The following FCHO2 variants were observed in gnomAD, a reference collection of about 807,000 sequenced individuals.
FCHO2 encodes the protein F-BAR domain only protein 2.
FCHO2 carries 43 observed loss-of-function variants against 114.1 expected under a neutral mutation model. The ratio of observed to expected loss-of-function variants is 0.38; its 90% CI spans 0.30 to 0.49. The LOEUF (loss-of-function observed/expected upper bound fraction) is 0.49, where lower values mean the gene tolerates loss of function less well. Ranked by LOEUF, FCHO2 falls within the 20% of genes least tolerant of loss-of-function variation. FCHO2 has a pLI of 0.97. For synonymous variants in FCHO2, 293 were observed against 315.2 expected (o/e 0.93, Z 0.75); for missense variants, 807 against 950.4 (o/e 0.85, Z 1.98).
chr5:72,992,491 G>A (rs551248793), intron 5 of FCHO2, among the ~76,000 whole-genome samples: 26 of 152,260 alleles, frequency 1.7e-4, no homozygotes, highest in Non-Finnish European at 3.5e-4. Context: ...GAACTCAAAA[G>A]TCCTAAAGTA....
chr5:73,039,945 A>G (rs922593862), intron 10 of FCHO2, among the ~76,000 whole-genome samples: 1 of 138,132 alleles, frequency 7.2e-6, no homozygotes, highest in Non-Finnish European at 1.6e-5. Context: ...GAAAAAAAGA[A>G]AAAAAAAAAA....
At chr5:73,049,213 T>C (rs1485478842) in intron 11 of FCHO2, among the ~76,000 whole-genome samples, 3 of 152,158 alleles carry the variant, frequency 2.0e-5, no homozygotes, top group South Asian at 2.1e-4. Flanking sequence ...ATTTTCTTGG[T>C]AGTCTTTTAT....
intron 10 of FCHO2, 33 bp downstream of exon 10, chr5:73,037,248 T>G: frequency 6.7e-7 from 1 of 1,496,574 alleles, no homozygotes; most frequent in Non-Finnish European, 9.1e-7. Flanking sequence ...AAATCCTTTT[T>G]GTTTTTATAA....
At chr5:73,040,879 C>T (rs1434457311) in intron 10 of FCHO2, among the ~76,000 whole-genome samples, 2 of 151,962 alleles carry the variant, frequency 1.3e-5, no homozygotes, top group Non-Finnish European at 2.9e-5. Flanking sequence ...GTCAAGCTTT[C>T]TTCTTTAAGG....
At chr5:72,971,597 A>G (rs1301054600) in intron 2 of FCHO2, among the ~76,000 whole-genome samples, 1 of 152,086 alleles carries the variant, frequency 6.6e-6, no homozygotes, top group East Asian at 1.9e-4. Flanking sequence ...GATTCTGGAT[A>G]TTAGCCCTTT....
intron 5 of FCHO2, among the ~76,000 whole-genome samples, chr5:72,995,784 A>G (rs894102299): frequency 5.9e-5 from 9 of 152,044 alleles, no homozygotes; most frequent in Non-Finnish European, 1.3e-4. Context: ...TCATGAACCG[A>G]TTAATACATT....
chr5:73,073,796 A>G (rs558323135), intron 19 of FCHO2, among the ~76,000 whole-genome samples: 72 of 152,256 alleles, frequency 4.7e-4, no homozygotes, highest in African/African-American at 1.5e-3. Context: ...AATGTTGTGT[A>G]ACATATAAGG....
rs1248123024 is a variant in FCHO2, at chr5:73,047,573, T to A, written c.940-3776T>A. Among the ~76,000 whole-genome samples the A allele has an allele frequency of 2.0e-5, 3 of 151,888 alleles. No homozygotes were observed. In the East Asian group the frequency reaches 5.8e-4, roughly 29 times the overall value. ...TAGAAACTTTTTTCCTTTTTTTTTT[T>A]TTTAACAGCTACATAGTATAATCGT... is the stretch of plus-strand genomic sequence containing the variant. On this transcript the variant is annotated intron_variant, in intron 11 of 25. Transcript: ENST00000430046.
Position 72,968,296 on chromosome 5 carries a change from T to C in FCHO2, c.34-202T>C, listed in dbSNP as rs376279249. Among the ~76,000 whole-genome samples, 34 of 152,348 alleles carry C rather than the reference T, an allele frequency of 2.2e-4. 1 individual carries two copies. In the South Asian group the frequency reaches 6.8e-3, roughly 31 times the overall value. On this transcript the variant is annotated intron_variant, in intron 1 of 25. Transcript: ENST00000430046. Reference sequence around the variant, plus strand: ...ATGCATATATGTTTGTATGTAGGTATATGTATATATAGTTAATTGTAAACT... The same window carrying C: ...ATGCATATATGTTTGTATGTAGGTACATGTATATATAGTTAATTGTAAACT...
chr5:72,983,235 C>T (rs562361110), intron 2 of FCHO2, among the ~76,000 whole-genome samples: 2 of 152,020 alleles, frequency 1.3e-5, no homozygotes, highest in Admixed American at 1.3e-4. Flanking sequence ...CTTTTAAGTT[C>T]CGGGATACAT....
Position 73,078,103 on chromosome 5 carries a change from T to G in FCHO2, c.1848-77T>G, listed in dbSNP as rs1010723192. On this transcript the variant is annotated intron_variant, in intron 21 of 25. Coordinates refer to ENST00000430046, the MANE Select transcript of FCHO2 (RefSeq NM_138782.3). Reference sequence around the variant, plus strand: ...GGTTTATTTCTACTAGTTTTTCCTGTGTCACCAAATTACTACACAGAGGCA... The same window carrying G: ...GGTTTATTTCTACTAGTTTTTCCTGGGTCACCAAATTACTACACAGAGGCA... The G allele has an allele frequency of 4.8e-5, 56 of 1,157,288 alleles. 1 individual carries two copies. In the East Asian group the frequency reaches 1.6e-3, roughly 33 times the overall value. 71.7% of individuals were successfully genotyped at this position (1,157,288 alleles called of 1,614,324 possible). A position where few individuals can be genotyped will look rare whatever the true frequency, so the allele number is the denominator to read the frequency against.
intron 9 of FCHO2, among the ~76,000 whole-genome samples, chr5:73,035,623 C>G (rs1192217476): frequency 6.6e-6 from 1 of 151,934 alleles, no homozygotes; most frequent in African/African-American, 2.4e-5. Context: ...GCACCTCAGC[C>G]CCAAAATTAG....
At chr5:73,035,625 C>G (rs1176363762) in intron 9 of FCHO2, among the ~76,000 whole-genome samples, 1 of 152,028 alleles carries the variant, frequency 6.6e-6, no homozygotes, top group East Asian at 1.9e-4. Context: ...ACCTCAGCCC[C>G]AAAATTAGCT....
intron 2 of FCHO2, among the ~76,000 whole-genome samples, chr5:72,970,689 TTTTTTTA>T (rs965112261): frequency 1.1e-4 from 16 of 151,926 alleles, no homozygotes; most frequent in South Asian, 2.1e-4. Flanking sequence ...TCTTTTTCTT[TTTTTTTA>T]TTTTTTATTT....
At chr5:72,981,195 G>T (rs1416471939) in intron 2 of FCHO2, among the ~76,000 whole-genome samples, 1 of 152,044 alleles carries the variant, frequency 6.6e-6, no homozygotes, top group African/African-American at 2.4e-5. Flanking sequence ...TTTCTCCTTT[G>T]TTTATGAAGC....
rs1440754202 is a variant in FCHO2, at chr5:73,017,214, C to T, written c.702C>T (p.Val234=). ...IKEIHLQIGQ[V]HEEFINNMAN... is the part of the protein sequence containing the mutation. ...TTATCTTTATTTCATTTTAATAGGT[C>T]CATGAAGAATTTATAAATAACATGG... The change falls in exon 8 of 26, where the codon GTC becomes GTT. Residue 234 remains valine, a splice_region_variant and synonymous_variant. Coordinates refer to ENST00000430046, the MANE Select transcript of FCHO2 (RefSeq NM_138782.3). 9.3e-6 allele frequency: 14 copies of T among 1,502,748 alleles called. No homozygotes were observed. In the Admixed American group the frequency reaches 3.0e-4, roughly 32 times the overall value. The allele number at this position is 1,502,748 out of a possible 1,614,324, so 93.1% of individuals were successfully genotyped here.
Position 73,082,830 on chromosome 5 carries a change from G to A in FCHO2, c.2245+5G>A. 6.3e-7 allele frequency: 1 copy of A among 1,585,720 alleles called. No individual in the cohort carries two copies. Among genetic ancestry groups the A allele is most frequent in the East Asian group, 2.3e-5 (1 of 44,442 alleles). ...CAGAAAAATCAGAAAATGGAGGTAA[G>A]TGTGTGTGTCCTTTTTTATTTATAA... is the stretch of plus-strand genomic sequence containing the variant. On this transcript the variant is annotated splice_donor_5th_base_variant and intron_variant, in intron 24 of 25. Coordinates refer to ENST00000430046, the MANE Select transcript of FCHO2 (RefSeq NM_138782.3).
chr5:73,082,650 A>G, intron 23 of FCHO2, 111 bp from the exon 24 acceptor site: 1 of 828,758 alleles, frequency 1.2e-6, no homozygotes, highest in Non-Finnish European at 1.9e-6. Context: ...AAACTTAGCA[A>G]TATATTTGTT....
chr5:73,077,637 C>G (rs1473296969), intron 21 of FCHO2, 144 bp downstream of exon 21: 1 of 877,934 alleles, frequency 1.1e-6, no homozygotes, highest in African/African-American at 1.7e-5. Flanking sequence ...CAAAACCAGC[C>G]TGAGCAATGT....
Sources: allele counts gnomAD v4.1 joint callset (sites outside exome capture counted in the v4.1 genomes callset), GRCh38; gene constraint gnomAD v4.1.1; transcripts MANE v1.5; gene names NCBI Gene and HGNC (gene_info 2026-07-23, HGNC 2026-07-21).